Variants in NOTCH2NLA observed in about 807,000 individuals in gnomAD.
NOTCH2NLA encodes the protein notch homolog 2 N-terminal-like protein A.
chr1:146,174,511 C>A lies in NOTCH2NLA; in HGVS notation c.39-9501G>T, dbSNP rs1333901829. ...ATACAAGAAGAAAAAGAGAGGCATG[C>A]TTTACAAAACAGCTATTTCAAAGTC... On this transcript the variant is annotated intron_variant, in intron 2 of 4. Transcript: ENST00000362074. Among the ~76,000 whole-genome samples the A allele has an allele frequency of 2.0e-5, 3 of 148,048 alleles. No homozygotes were observed. In the East Asian group the frequency reaches 5.9e-4, roughly 29 times the overall value.
chr1:146,176,618 C>T (rs1325157279), intron 2 of NOTCH2NLA, among the ~76,000 whole-genome samples: 2 of 138,930 alleles, frequency 1.4e-5, no homozygotes, highest in Admixed American at 1.5e-4. Flanking sequence ...TTGCTAAATG[C>T]CTTTCAGCTC....
chr1:146,159,411 G>C (rs1661358516), intron 3 of NOTCH2NLA, among the ~76,000 whole-genome samples: 1 of 146,120 alleles, frequency 6.8e-6, no homozygotes, highest in Non-Finnish European at 1.5e-5. Context: ...AAGAAAGAAA[G>C]AAAGAAAGAA....
chr1:146,174,907 CATA>C (rs1662186900), intron 2 of NOTCH2NLA, among the ~76,000 whole-genome samples: 1 of 123,270 alleles, frequency 8.1e-6, no homozygotes, highest in Non-Finnish European at 1.9e-5. Context: ...TTCCTGTGAC[CATA>C]ATGCCAGCTT....
In NOTCH2NLA at chr1:146,186,142, G is replaced by A. The variant is rs1288525150; in HGVS notation, c.38+3158C>T. On this transcript the variant is annotated intron_variant, in intron 2 of 4. Transcript: ENST00000362074. Reference sequence around the variant, plus strand: ...TAAATATGCTAATATTACTTTTGCTGAGGTAGGGAATCACTCTCTTTATAC... The same window carrying A: ...TAAATATGCTAATATTACTTTTGCTAAGGTAGGGAATCACTCTCTTTATAC... Among the ~76,000 whole-genome samples the A allele has an allele frequency of 6.7e-5, 9 of 134,112 alleles. 2 individuals are homozygous for A. The highest frequency in any genetic ancestry group is 8.6e-5 in the Non-Finnish European group (5 of 58,014). The allele number at this position is 134,112 out of a possible 152,430, so 88.0% of individuals were successfully genotyped here.
intron 1 of NOTCH2NLA, among the ~76,000 whole-genome samples, chr1:146,204,200 GC>G (rs1663506567): frequency 1.2e-5 from 1 of 84,802 alleles, no homozygotes; most frequent in Admixed American, 1.3e-4. Context: ...TCTTTTTAGA[GC>G]CCCACTTCCG....
downstream of NOTCH2NLA, chr1:146,154,002 G>A (rs1363235426): frequency 4.7e-5 from 4 of 84,270 alleles, no homozygotes; most frequent in Non-Finnish European, 9.2e-5. Flanking sequence ...TCTGCACAAC[G>A]CCATACACAC....
At chr1:146,186,356 C>CT (rs4067774) in intron 2 of NOTCH2NLA, among the ~76,000 whole-genome samples, 40,251 of 98,254 alleles carry the variant, frequency 0.41, 9,117 homozygotes, top group Non-Finnish European at 0.59. Flanking sequence ...GCTCCATTTT[C>CT]TTTTTTTTTT....
At chr1:146,187,855 C>A (rs201278051) in intron 2 of NOTCH2NLA, among the ~76,000 whole-genome samples, 1 of 136,098 alleles carries the variant, frequency 7.3e-6, no homozygotes, top group African/African-American at 2.5e-5. Flanking sequence ...TTTTTTTTCC[C>A]CCAGCTAGAA....
chr1:146,228,887 C>T (rs1664365588), exon 1 of NOTCH2NLA: 2 of 1,474,268 alleles, frequency 1.4e-6, no homozygotes, highest in Non-Finnish European at 1.8e-6. Flanking sequence ...CCTCCTCCTG[C>T]TTCAAAGGCT....
intron 1 of NOTCH2NLA, among the ~76,000 whole-genome samples, chr1:146,198,994 CG>C (rs1316516212): frequency 4.5e-5 from 3 of 66,520 alleles, no homozygotes; most frequent in African/African-American, 1.7e-4. Context: ...AGGGTTTCAC[CG>C]TGTTAGCCAG....
At chr1:146,228,768 C>T in exon 1 of NOTCH2NLA, 1 of 1,573,016 alleles carries the variant, frequency 6.4e-7, no homozygotes, top group Non-Finnish European at 8.6e-7. Flanking sequence ...CAGAGCGGGG[C>T]GCAGGGCGGG....
intron 1 of NOTCH2NLA, among the ~76,000 whole-genome samples, chr1:146,219,806 A>ATATAT (rs143486169): frequency 1.1e-5 from 1 of 88,614 alleles, no homozygotes; most frequent in African/African-American, 6.8e-5. Context: ...AAAAAAAAAA[A>ATATAT]ATATATATAT....
downstream of NOTCH2NLA, chr1:146,154,012 CA>C (rs1661019985): frequency 3.7e-5 from 2 of 53,704 alleles, no homozygotes; most frequent in East Asian, 1.2e-3. Context: ...GCCATACACA[CA>C]CACACACACA....
At chr1:146,200,438 A>AAAAAAT in intron 1 of NOTCH2NLA, among the ~76,000 whole-genome samples, 1 of 19,848 alleles carries the variant, frequency 5.0e-5, no homozygotes, top group East Asian at 9.8e-4. Flanking sequence ...AAAAAAAAAA[A>AAAAAAT]ATATATATAT....
intron 1 of NOTCH2NLA, among the ~76,000 whole-genome samples, chr1:146,207,842 G>A (rs1373546304): frequency 2.1e-5 from 1 of 47,724 alleles, no homozygotes; most frequent in Non-Finnish European, 4.5e-5. Flanking sequence ...TTTTTTTGGA[G>A]ACAGGATCTT....
chr1:146,157,134 ACT>A (rs1476130304), intron 3 of NOTCH2NLA, among the ~76,000 whole-genome samples: 1 of 149,396 alleles, frequency 6.7e-6, no homozygotes, highest in Non-Finnish European at 1.5e-5. Context: ...CTCAGAGCTC[ACT>A]GTCTTTGCAT....
intron 2 of NOTCH2NLA, among the ~76,000 whole-genome samples, chr1:146,171,466 A>T (rs1473538628): frequency 3.0e-5 from 4 of 133,012 alleles, no homozygotes; most frequent in Non-Finnish European, 5.2e-5. Context: ...TAGATGGAAG[A>T]GGCAGGATTC....
At chr1:146,180,631 A>T (rs1327325318) in intron 2 of NOTCH2NLA, among the ~76,000 whole-genome samples, 3 of 143,304 alleles carry the variant, frequency 2.1e-5, no homozygotes, top group African/African-American at 7.3e-5. Context: ...GTAAAACCCA[A>T]CTAAAAGAAA....
At position 146,228,974 on chromosome 1, in the gene NOTCH2NLA, C is replaced by T. The variant is rs781833219; in HGVS notation, c.-310G>A. On this transcript the variant is annotated 5_prime_UTR_variant, in exon 1 of 5. Transcript: ENST00000362074. The stretch of plus-strand genomic sequence containing the variant: ...CGCCCCGAGTCCGCCGCTCCTCGGC[C>T]GCCGCCTCAGCCGCCGCCCGAAGTT... The T allele has an allele frequency of 5.6e-6, 8 of 1,424,686 alleles. No homozygotes were observed. The South Asian group carries it at 7.2e-5, about 13-fold the overall frequency. 88.3% of individuals were successfully genotyped at this position (1,424,686 alleles called of 1,614,324 possible). A position where few individuals can be genotyped will look rare whatever the true frequency, so the allele number is the denominator to read the frequency against.
Sources: gnomAD v4.1 joint callset for allele counts (sites outside exome capture counted in the v4.1 genomes callset) on GRCh38, gnomAD v4.1.1 for gene constraint, MANE v1.5 for transcripts, NCBI Gene and HGNC (gene_info 2026-07-23, HGNC 2026-07-21) for gene names.